DPP6: variants seen among roughly 807,000 people sequenced by gnomAD.
DPP6 encodes dipeptidyl peptidase like 6, also known as A-type potassium channel modulatory protein DPP6.
DPP6 carries 69 observed loss-of-function variants against 122.6 expected under a neutral mutation model. That is an observed-to-expected ratio of 0.56 (90% CI 0.46 to 0.69). DPP6 has a LOEUF of 0.69. DPP6 is among the 30% of genes least tolerant of loss of function. DPP6 has a pLI of 0.00. For missense variants in DPP6, 928 were observed against 1,116.9 expected (o/e 0.83, Z 2.41); for synonymous variants, 418 against 433.1 (o/e 0.97, Z 0.43).
At chr7:154,691,256 C>T (rs114817882) in intron 7 of DPP6, among the ~76,000 whole-genome samples, 1,656 of 152,290 alleles carry the variant, frequency 0.011, 39 homozygotes, top group African/African-American at 0.038. Context: ...TTTCAATTCT[C>T]TCAAACTTCT....
At chr7:154,406,917 C>T (rs534130716) in intron 1 of DPP6, among the ~76,000 whole-genome samples, 1 of 152,154 alleles carries the variant, frequency 6.6e-6, no homozygotes, top group Non-Finnish European at 1.5e-5. Context: ...AGGAATTGTG[C>T]CAACAGGATG....
chr7:154,141,815 C>T (rs151130203), intron 1 of DPP6, among the ~76,000 whole-genome samples: 11,011 of 152,188 alleles, frequency 0.072, 1,300 homozygotes, highest in African/African-American at 0.25. Flanking sequence ...TTGGTCAGTA[C>T]AGTCAGGAAG....
At chr7:154,865,113 C>T (rs541535561) in intron 17 of DPP6, among the ~76,000 whole-genome samples, 1 of 152,222 alleles carries the variant, frequency 6.6e-6, no homozygotes, top group Admixed American at 6.5e-5. Flanking sequence ...GCCATCCAGA[C>T]AGGCTCTTGC....
intron 5 of DPP6, among the ~76,000 whole-genome samples, chr7:154,574,802 T>A (rs1486857227): frequency 7.8e-6 from 1 of 128,484 alleles, no homozygotes; most frequent in Non-Finnish European, 1.7e-5. Context: ...TGGTGTGTGT[T>A]TGTGTGTGTG....
intron 1 of DPP6, among the ~76,000 whole-genome samples, chr7:154,327,832 A>G (rs1808583134): frequency 6.6e-6 from 1 of 152,220 alleles, no homozygotes; most frequent in Admixed American, 6.5e-5. Context: ...AGAATAGTAA[A>G]AACACAGATA....
chr7:154,738,470 T>C (rs570443137), intron 8 of DPP6, among the ~76,000 whole-genome samples: 1 of 152,154 alleles, frequency 6.6e-6, no homozygotes, highest in Non-Finnish European at 1.5e-5. Context: ...CAGCCAAGAG[T>C]TGCAATTTAA....
intron 7 of DPP6, among the ~76,000 whole-genome samples, chr7:154,723,627 G>T (rs1236456904): frequency 6.6e-6 from 1 of 152,198 alleles, no homozygotes; most frequent in Non-Finnish European, 1.5e-5. Flanking sequence ...GGGCTGAGCA[G>T]AAAACAAATA....
chr7:154,058,536 T>G (rs983888210), intron 1 of DPP6: 1 of 142,300 alleles, frequency 7.0e-6, no homozygotes, highest in African/African-American at 2.7e-5. Context: ...GTTCCCCCAC[T>G]GGCTCTTAGG....
chr7:154,463,281 C>T (rs1821472505), intron 2 of DPP6, among the ~76,000 whole-genome samples: 1 of 141,456 alleles, frequency 7.1e-6, no homozygotes, highest in African/African-American at 2.6e-5. Context: ...GATCTCGACT[C>T]ACTGCAAGCT....
chr7:154,060,601 C>G (rs1450192310), intron 1 of DPP6, among the ~76,000 whole-genome samples: 1 of 125,804 alleles, frequency 7.9e-6, no homozygotes, highest in Admixed American at 8.0e-5. Flanking sequence ...GCCAGTCCCT[C>G]TTCCCCCCCC....
At chr7:154,129,492 G>A (rs1417061879) in intron 1 of DPP6, among the ~76,000 whole-genome samples, 2 of 152,226 alleles carry the variant, frequency 1.3e-5, no homozygotes, top group Non-Finnish European at 2.9e-5. Flanking sequence ...GCCAGGCACG[G>A]TGGCAAACAC....
intron 7 of DPP6, among the ~76,000 whole-genome samples, chr7:154,676,973 A>G (rs558869300): frequency 6.6e-6 from 1 of 152,318 alleles, no homozygotes; most frequent in South Asian, 2.1e-4. Context: ...CCTACAAAAT[A>G]TGTGGAGGAT....
At chr7:154,291,465 C>G (rs1805206463) in intron 1 of DPP6, among the ~76,000 whole-genome samples, 1 of 152,186 alleles carries the variant, frequency 6.6e-6, no homozygotes, top group Non-Finnish European at 1.5e-5. Flanking sequence ...TTCCTTCTTG[C>G]TTCTTAACAA....
intron 1 of DPP6, among the ~76,000 whole-genome samples, chr7:154,073,723 C>A (rs1225992481): frequency 6.6e-6 from 1 of 152,172 alleles, no homozygotes; most frequent in Non-Finnish European, 1.5e-5. Context: ...CATTAAAGAT[C>A]CTAAGGAGAA....
chr7:154,545,148 C>T lies in DPP6; in HGVS notation c.552+4522C>T, dbSNP rs866835928. Among the ~76,000 whole-genome samples the T allele has an allele frequency of 1.2e-4, 19 of 152,286 alleles. No homozygotes were observed. In the East Asian group the frequency reaches 1.5e-3, roughly 12 times the overall value. On this transcript the variant is annotated intron_variant, in intron 4 of 25. Transcript: ENST00000377770. ...TACATGTTTGATGTCACAGAAATTCCGGGACCTTACACTTTACTCTTTTAA... is the reference window on the plus strand; with the variant it reads ...TACATGTTTGATGTCACAGAAATTCTGGGACCTTACACTTTACTCTTTTAA...
chr7:153,763,382 A>AAAC, the DPP6 span, among the ~76,000 whole-genome samples: 7 of 151,290 alleles, frequency 4.6e-5, no homozygotes, highest in Admixed American at 4.6e-4. Context: ...AGTAAGAAAA[A>AAAC]AAAAAAAAAA....
At chr7:154,227,571 CAAT>C (rs1397729102) in intron 1 of DPP6, among the ~76,000 whole-genome samples, 2 of 152,114 alleles carry the variant, frequency 1.3e-5, no homozygotes, top group African/African-American at 4.8e-5. Context: ...GTTTATATCA[CAAT>C]AATAATATTA....
intron 3 of DPP6, among the ~76,000 whole-genome samples, chr7:154,519,328 G>T (rs149735974): frequency 6.6e-6 from 1 of 152,324 alleles, no homozygotes; most frequent in Non-Finnish European, 1.5e-5. Context: ...GGCACAGACA[G>T]CCCCCTGGAG....
At chr7:154,174,636 C>T (rs564359842) in intron 1 of DPP6, among the ~76,000 whole-genome samples, 1 of 152,296 alleles carries the variant, frequency 6.6e-6, no homozygotes, top group East Asian at 1.9e-4. Flanking sequence ...TTTTTATCAC[C>T]ATTTCTTCAT....
Sources: gnomAD v4.1 joint callset for allele counts (sites outside exome capture counted in the v4.1 genomes callset) on GRCh38, gnomAD v4.1.1 for gene constraint, MANE v1.5 for transcripts, NCBI Gene and HGNC (gene_info 2026-07-23, HGNC 2026-07-21) for gene names.